ACSL1: variants seen among roughly 807,000 people sequenced by gnomAD.
ACSL1 encodes acyl-CoA synthetase long chain family member 1.
ACSL1 carries 41 observed loss-of-function variants against 98.4 expected under a neutral mutation model. That is an observed-to-expected ratio of 0.42 (90% CI 0.32 to 0.54). ACSL1 has a LOEUF of 0.54. Ranked by LOEUF, ACSL1 falls within the 20% of genes least tolerant of loss-of-function variation. The probability of loss-of-function intolerance (pLI) is 0.13; values close to 1 mark genes in which losing one functional copy is unlikely to be tolerated. For missense variants in ACSL1, 734 were observed against 883.1 expected (o/e 0.83, Z 2.14); for synonymous variants, 316 against 322.7 (o/e 0.98, Z 0.22).
At chr4:184,788,382 A>T (rs908629955) in intron 3 of ACSL1, 6 of 626,756 alleles carry the variant, frequency 9.6e-6, no homozygotes, top group Admixed American at 2.1e-5. Context: ...GACTCACCAT[A>T]AAATACAGGA....
At chr4:184,769,400 G>A (rs568196236) in intron 11 of ACSL1, among the ~76,000 whole-genome samples, 1 of 152,164 alleles carries the variant, frequency 6.6e-6, no homozygotes, top group African/African-American at 2.4e-5. Context: ...TGACACAAGG[G>A]AAGTACAAAT....
chr4:184,757,151 CATCT>C lies in ACSL1; in HGVS notation c.2067_2070del (p.Ile689MetfsTer49), dbSNP rs1762210105. 1 of 1,603,098 alleles carries C rather than the reference CATCT, an allele frequency of 6.2e-7. No individual in the cohort carries two copies. Among genetic ancestry groups the C allele is most frequent in the African/African-American group, 1.3e-5 (1 of 74,744 alleles). On this transcript the variant is annotated frameshift_variant, in exon 21 of 21. Coordinates refer to ENST00000281455, the MANE Select transcript of ACSL1 (RefSeq NM_001995.5). LOFTEE classifies it high-confidence loss of function. This position sits in a 1 kb window ranked among gnomAD's most constrained non-coding sequence, Gnocchi z 4.5. ...TAAACCTTGATAGTGGAATAGAGGT[CATCT>C]ATCTGCGACCTGAAATAGTTCCGCA...
rs1054480669 is a variant in ACSL1, at chr4:184,803,448, G to A, written c.67C>T (p.Arg23Cys). 8.7e-6 allele frequency: 14 copies of A among 1,613,446 alleles called. No homozygotes were observed. Among genetic ancestry groups the A allele is most frequent in the East Asian group, 2.2e-5 (1 of 44,862 alleles). Residue 23 changes from arginine (R) to cysteine (C), a missense_variant, in exon 2 of 21, where the codon CGT becomes TGT. By Grantham distance (180) the Arg-to-Cys change is radical. Coordinates refer to ENST00000281455, the MANE Select transcript of ACSL1 (RefSeq NM_001995.5). The surrounding 1 kb of genome is among the most constrained non-coding windows in gnomAD (Gnocchi z 4.8). Reference protein sequence around the residue: ...PELVDFRQYVRTLPTNTLMGF... With the variant: ...PELVDFRQYVCTLPTNTLMGF... The stretch of plus-strand genomic sequence containing the variant: ...ATAAGCGTGTTGGTCGGAAGAGTAC[G>A]CACGTACTGTCGGAAGTCAACCAGC...
chr4:184,783,005 G>A (rs555666439), intron 4 of ACSL1, among the ~76,000 whole-genome samples: 6 of 152,130 alleles, frequency 3.9e-5, no homozygotes, highest in East Asian at 1.9e-4. Context: ...TCATGAATCC[G>A]CATGATTACC....
chr4:184,804,732 G>T (rs775794682), intron 1 of ACSL1, among the ~76,000 whole-genome samples: 1 of 152,040 alleles, frequency 6.6e-6, no homozygotes, highest in Non-Finnish European at 1.5e-5. Context: ...ACCTTATCTC[G>T]CAGGGCTTTT....
intron 3 of ACSL1, among the ~76,000 whole-genome samples, chr4:184,784,251 A>T (rs942490681): frequency 2.6e-5 from 4 of 152,162 alleles, no homozygotes; most frequent in African/African-American, 4.8e-5. Flanking sequence ...CCAACTCTTA[A>T]GGGCACTTAA....
rs770997085 is a variant in ACSL1, at chr4:184,780,429, G to A, written c.380C>T (p.Ala127Val). 1.9e-6 allele frequency: 3 copies of A among 1,611,556 alleles called. No homozygotes were observed. The Admixed American group carries it at 5.0e-5, about 27-fold the overall frequency. Residue 127 changes from alanine to valine, a missense_variant, in exon 5 of 21, where the codon GCA (alanine) becomes GTA (valine). Transcript: ENST00000281455. Reference sequence around the variant, plus strand: ...TGAGCCTATGCACTCCGACAATTCTGCAACCTAAAATGGAGAGGAAAAAGT... The same window carrying A: ...TGAGCCTATGCACTCCGACAATTCTACAACCTAAAATGGAGAGGAAAAAGT... ...PYEWLSYKQV[A>V]ELSECIGSAL...
chr4:184,756,830 T>G lies in ACSL1; in HGVS notation c.*295A>C. The G allele has an allele frequency of 4.0e-6, 1 of 248,218 alleles. No individual in the cohort carries two copies. Among genetic ancestry groups the G allele is most frequent in the Non-Finnish European group, 7.8e-6 (1 of 128,428 alleles). 15.4% of individuals were successfully genotyped at this position (248,218 alleles called of 1,614,324 possible). ...GGAGACAGAAGATTTAAAACCCACT[T>G]TTTAAACTGAGGAAGTCTCAAATAA... is the stretch of plus-strand genomic sequence containing the variant. On this transcript the variant is annotated 3_prime_UTR_variant, in exon 21 of 21. Coordinates refer to ENST00000281455, the MANE Select transcript of ACSL1 (RefSeq NM_001995.5).
At chr4:184,819,141 T>TTC (rs1561251261) in intron 1 of ACSL1, among the ~76,000 whole-genome samples, 1 of 103,498 alleles carries the variant, frequency 9.7e-6, no homozygotes, top group Non-Finnish European at 1.7e-5. Context: ...TTAGATGTAC[T>TTC]TTTTTTTTTT....
intron 2 of ACSL1, among the ~76,000 whole-genome samples, chr4:184,794,622 G>A (rs571969255): frequency 6.6e-6 from 1 of 152,154 alleles, no homozygotes; most frequent in East Asian, 1.9e-4. Context: ...GACTTGGGGG[G>A]GCTGCTTCCC....
intron 14 of ACSL1, among the ~76,000 whole-genome samples, chr4:184,765,361 C>G (rs1301387969): frequency 6.6e-6 from 1 of 152,198 alleles, no homozygotes; most frequent in Non-Finnish European, 1.5e-5. Flanking sequence ...GCACCTGATC[C>G]TAGAGAAAAT....
chr4:184,817,847 C>T (rs1186852996), intron 1 of ACSL1, among the ~76,000 whole-genome samples: 4 of 152,166 alleles, frequency 2.6e-5, no homozygotes, highest in Non-Finnish European at 2.9e-5. Flanking sequence ...CCGAGACCCA[C>T]GCCAGGCTCC....
At chr4:184,823,285 ATTT>A (rs754561059) in intron 1 of ACSL1, among the ~76,000 whole-genome samples, 143 of 152,318 alleles carry the variant, frequency 9.4e-4, no homozygotes, top group Non-Finnish European at 1.8e-3. Flanking sequence ...CTTCTTTTCT[ATTT>A]TGTAGTACAG....
intron 7 of ACSL1, among the ~76,000 whole-genome samples, chr4:184,774,281 C>T (rs1764949832): frequency 6.6e-6 from 1 of 152,192 alleles, no homozygotes; most frequent in Admixed American, 6.5e-5. Flanking sequence ...TTCCTCAAAT[C>T]AGAGCACAGC....
At chr4:184,782,673 G>A (rs1223618787) in intron 4 of ACSL1, among the ~76,000 whole-genome samples, 1 of 152,214 alleles carries the variant, frequency 6.6e-6, no homozygotes, top group Non-Finnish European at 1.5e-5. Flanking sequence ...GCTCTGACAG[G>A]ACAGAATAAA....
Position 184,773,566 on chromosome 4 carries a change from TC to T in ACSL1, c.841+96del, listed in dbSNP as rs1408880580. 3 of 1,172,670 alleles carry T rather than the reference TC, an allele frequency of 2.6e-6. No individual in the cohort carries two copies. In the African/African-American group the frequency reaches 4.7e-5, roughly 18 times the overall value. The allele number at this position is 1,172,670 out of a possible 1,614,324, so 72.6% of individuals were successfully genotyped here. ...CCGCTTCCTTCTCTTCTGCTTTTGG[TC>T]CGTCTACTGTTAGCTGATAAGTCAT... is the stretch of plus-strand genomic sequence containing the variant. On this transcript the variant is annotated intron_variant, in intron 9 of 20. Transcript: ENST00000281455. This position sits in a 1 kb window ranked among gnomAD's most constrained non-coding sequence, Gnocchi z 4.3.
At chr4:184,816,542 T>G (rs1772652923) in intron 1 of ACSL1, among the ~76,000 whole-genome samples, 1 of 152,150 alleles carries the variant, frequency 6.6e-6, no homozygotes, top group Non-Finnish European at 1.5e-5. Context: ...GAATGGGTGA[T>G]ACTAGTTTGG....
At chr4:184,778,661 A>G (rs1765704883) in intron 5 of ACSL1, among the ~76,000 whole-genome samples, 1 of 152,184 alleles carries the variant, frequency 6.6e-6, no homozygotes, top group South Asian at 2.1e-4. Flanking sequence ...TCAGGAAGAG[A>G]GGCCGAGTCA....
rs372126472 is a variant in ACSL1, at chr4:184,757,754, A to G, written c.1885-48T>C. The G allele has an allele frequency of 7.2e-5, 116 of 1,608,804 alleles. No individual in the cohort carries two copies. In the African/African-American group the frequency reaches 1.4e-3, roughly 19 times the overall value. On this transcript the variant is annotated intron_variant, in intron 19 of 20. Coordinates refer to ENST00000281455, the MANE Select transcript of ACSL1 (RefSeq NM_001995.5). This position sits in a 1 kb window ranked among gnomAD's most constrained non-coding sequence, Gnocchi z 4.5. ...TTACTTCCTCTGTTAGAGGTCCCTG[A>G]ATATCTACAGGTACATTTAATGCCA...
Sources: allele counts gnomAD v4.1 joint callset (sites outside exome capture counted in the v4.1 genomes callset), GRCh38; gene constraint gnomAD v4.1.1; non-coding constraint Gnocchi (gnomAD v3.1); transcripts MANE v1.5; gene names NCBI Gene and HGNC (gene_info 2026-07-23, HGNC 2026-07-21).